RUNX2: variants seen among roughly 807,000 people sequenced by gnomAD.
RUNX2 encodes runt-related transcription factor 2.
RUNX2 carries 10 observed loss-of-function variants against 51.7 expected under a neutral mutation model. The observed-to-expected ratio is 0.19, with a 90% CI of 0.12 to 0.33. The LOEUF (loss-of-function observed/expected upper bound fraction) is 0.33, where lower values mean the gene tolerates loss of function less well. RUNX2 is among the 10% of genes least tolerant of loss of function. The probability of loss-of-function intolerance (pLI) is 1.00; values close to 1 mark genes in which losing one functional copy is unlikely to be tolerated. For synonymous variants in RUNX2, 276 were observed against 273.6 expected (o/e 1.01, Z -0.09); for missense variants, 562 against 691.3 (o/e 0.81, Z 2.10).
intron 4 of RUNX2, among the ~76,000 whole-genome samples, chr6:45,436,508 T>G (rs1798690324): frequency 6.6e-6 from 1 of 152,192 alleles, no homozygotes; most frequent in Admixed American, 6.5e-5. Flanking sequence ...CTAATTGTTA[T>G]TCACCTTTCC....
intron 5 of RUNX2, among the ~76,000 whole-genome samples, chr6:45,482,039 T>A (rs533954509): frequency 8.5e-5 from 13 of 152,120 alleles, no homozygotes; most frequent in Non-Finnish European, 1.8e-4. Flanking sequence ...ACCAGTAGAG[T>A]TGTAATAAAG....
rs1164682820 is a variant in RUNX2, at chr6:45,465,752, C to T, written c.686-26189C>T. Among the ~76,000 whole-genome samples, 5 of 151,162 alleles carry T rather than the reference C, an allele frequency of 3.3e-5. No individual in the cohort carries two copies. The East Asian group carries it at 9.7e-4, about 29-fold the overall frequency. On this transcript the variant is annotated intron_variant, in intron 5 of 8. Coordinates refer to ENST00000647337, the MANE Select transcript of RUNX2 (RefSeq NM_001024630.4). ...CTAGGCTCAGGTGATTCTCCCACCT[C>T]AGCCTCTTGAGTAGCTGGGACTACA...
At chr6:45,467,117 C>T (rs1799656508) in intron 5 of RUNX2, among the ~76,000 whole-genome samples, 1 of 152,160 alleles carries the variant, frequency 6.6e-6, no homozygotes, top group South Asian at 2.1e-4. Flanking sequence ...ATGCCTTACT[C>T]TGGCCGACTT....
intron 2 of RUNX2, among the ~76,000 whole-genome samples, chr6:45,343,817 C>G (rs1790310783): frequency 6.6e-6 from 1 of 152,114 alleles, no homozygotes; most frequent in Admixed American, 6.5e-5. Context: ...TGAGGAAAAC[C>G]ATTTGGCTCC....
chr6:45,507,397 A>C (rs1328172340), intron 6 of RUNX2, among the ~76,000 whole-genome samples: 4 of 152,202 alleles, frequency 2.6e-5, no homozygotes, highest in Non-Finnish European at 5.9e-5. Flanking sequence ...GACTCATCCA[A>C]TTTGAGAGTA....
intron 5 of RUNX2, among the ~76,000 whole-genome samples, chr6:45,457,998 T>C (rs996866891): frequency 1.1e-4 from 17 of 151,340 alleles, no homozygotes; most frequent in Non-Finnish European, 1.8e-4. Flanking sequence ...TCTAATCAAA[T>C]GCAATGATAA....
In RUNX2 at chr6:45,439,668, C is replaced by CGT. The variant is rs144689318; in HGVS notation, c.685+1632_685+1633dup. ...AAAACCATTTGCGTGTGTTTGTGTG[C>CGT]GTGTGTGTGTGTGTGTATGTGTGTG... On this transcript the variant is annotated intron_variant, in intron 5 of 8. Coordinates refer to ENST00000647337, the MANE Select transcript of RUNX2 (RefSeq NM_001024630.4). Among the ~76,000 whole-genome samples, 862 of 149,486 alleles carry CGT rather than the reference C, an allele frequency of 5.8e-3. 9 individuals are homozygous for CGT. Among genetic ancestry groups the CGT allele is most frequent in the Middle Eastern group, 0.021 (6 of 288 alleles).
At chr6:45,425,894 A>G (rs1174505379) in intron 3 of RUNX2, among the ~76,000 whole-genome samples, 1 of 95,008 alleles carries the variant, frequency 1.1e-5, no homozygotes, top group Non-Finnish European at 2.9e-5. Flanking sequence ...ACACACACAT[A>G]CACACACACA....
chr6:45,512,187 C>A, intron 6 of RUNX2, 59 bp from the exon 7 acceptor site: 1 of 1,565,698 alleles, frequency 6.4e-7, no homozygotes, highest in South Asian at 1.1e-5. Context: ...TTTTGGGTTG[C>A]ATGTTTCTAA....
At chr6:45,447,922 CTGCTGA>C (rs1799048659) in intron 5 of RUNX2, among the ~76,000 whole-genome samples, 1 of 152,180 alleles carries the variant, frequency 6.6e-6, no homozygotes, top group Admixed American at 6.5e-5. Flanking sequence ...GAGAGGCGTT[CTGCTGA>C]AAGCCTGTCT....
intron 2 of RUNX2, chr6:45,365,205 T>C: frequency 6.3e-7 from 1 of 1,599,426 alleles, no homozygotes; most frequent in Non-Finnish European, 8.5e-7. Flanking sequence ...ACTTACATCA[T>C]ACTCTGTAAT....
chr6:45,371,682 TG>T (rs1796091545), intron 2 of RUNX2, among the ~76,000 whole-genome samples: 1 of 152,226 alleles, frequency 6.6e-6, no homozygotes, highest in Non-Finnish European at 1.5e-5. Context: ...GGGACTTACA[TG>T]GTCATTAAGT....
chr6:45,400,396 A>G (rs755669951), intron 2 of RUNX2, among the ~76,000 whole-genome samples: 3 of 152,198 alleles, frequency 2.0e-5, no homozygotes, highest in Non-Finnish European at 4.4e-5. Flanking sequence ...TCCCACCACA[A>G]ATATTGCCTC....
At chr6:45,349,165 T>C (rs964066214) in intron 2 of RUNX2, among the ~76,000 whole-genome samples, 8 of 152,256 alleles carry the variant, frequency 5.3e-5, no homozygotes, top group African/African-American at 1.9e-4. Context: ...ACAACTACAC[T>C]AGAGGGGGAA....
At chr6:45,472,873 A>G (rs1799846571) in intron 5 of RUNX2, among the ~76,000 whole-genome samples, 2 of 152,206 alleles carry the variant, frequency 1.3e-5, no homozygotes, top group South Asian at 2.1e-4. Context: ...TCTTTCTGCA[A>G]TGGGCCAAGT....
At chr6:45,345,728 T>C (rs374122736) in intron 2 of RUNX2, among the ~76,000 whole-genome samples, 108 of 152,312 alleles carry the variant, frequency 7.1e-4, no homozygotes, top group African/African-American at 2.6e-3. Context: ...TTATCAATTC[T>C]TCTTAATGAG....
chr6:45,513,285 G>A (rs1448712632), intron 7 of RUNX2, among the ~76,000 whole-genome samples: 1 of 152,064 alleles, frequency 6.6e-6, no homozygotes, highest in Admixed American at 6.5e-5. Flanking sequence ...ACTCAATGAC[G>A]TACGTCCACA....
chr6:45,470,244 C>T (rs543140561), intron 5 of RUNX2, among the ~76,000 whole-genome samples: 1 of 152,052 alleles, frequency 6.6e-6, no homozygotes, highest in Non-Finnish European at 1.5e-5. Context: ...ATGTAGAGAC[C>T]ATGTAAAGTG....
chr6:45,436,245 T>G (rs934165952), intron 4 of RUNX2, among the ~76,000 whole-genome samples: 24 of 152,170 alleles, frequency 1.6e-4, no homozygotes, highest in African/African-American at 5.5e-4. Flanking sequence ...TATTAATTTT[T>G]TTAAATGGCA....
Sources: gnomAD v4.1 joint callset for allele counts (sites outside exome capture counted in the v4.1 genomes callset) on GRCh38, gnomAD v4.1.1 for gene constraint, MANE v1.5 for transcripts, NCBI Gene and HGNC (gene_info 2026-07-23, HGNC 2026-07-21) for gene names.